Variants in GALNT11 observed in about 807,000 individuals in gnomAD.
The protein encoded by GALNT11 is polypeptide N-acetylgalactosaminyltransferase 11.
A neutral mutation model predicts 72.7 loss-of-function variants in GALNT11; 47 were observed. The ratio of observed to expected loss-of-function variants is 0.65; its 90% CI spans 0.51 to 0.82. The LOEUF (loss-of-function observed/expected upper bound fraction) is 0.82. Among genes scored for constraint, GALNT11 ranks in the 40% least tolerant of loss-of-function variants. The pLI, the probability that GALNT11 is intolerant of heterozygous loss-of-function variation, is 0.00. For synonymous variants in GALNT11, 270 were observed against 286.6 expected (o/e 0.94, Z 0.58); for missense variants, 677 against 778.4 (o/e 0.87, Z 1.55).
intron 1 of GALNT11, among the ~76,000 whole-genome samples, chr7:152,090,822 C>G (rs1352282706): frequency 1.3e-5 from 2 of 152,146 alleles, no homozygotes; most frequent in Non-Finnish European, 2.9e-5. Flanking sequence ...TTTCTTTCCT[C>G]AGCACTTATC....
intron 1 of GALNT11, among the ~76,000 whole-genome samples, chr7:152,080,670 A>AT (rs11442364): frequency 0.051 from 7,768 of 152,224 alleles, 343 homozygotes; most frequent in East Asian, 0.2. Flanking sequence ...CTATTAAAAC[A>AT]TTAATTGCGG....
At chr7:152,030,944 T>G (rs1463251516) in intron 1 of GALNT11, among the ~76,000 whole-genome samples, 1 of 152,248 alleles carries the variant, frequency 6.6e-6, no homozygotes, top group East Asian at 1.9e-4. Flanking sequence ...CCTCCTTGGG[T>G]TTTTGCACTG....
chr7:152,045,434 G>T (rs1586974169), intron 1 of GALNT11, among the ~76,000 whole-genome samples: 1 of 152,138 alleles, frequency 6.6e-6, no homozygotes, highest in Non-Finnish European at 1.5e-5. Context: ...CTTGCTGGGA[G>T]ACTTTTTATT....
chr7:152,070,540 T>G, intron 1 of GALNT11, among the ~76,000 whole-genome samples: 1 of 152,104 alleles, frequency 6.6e-6, no homozygotes, highest in East Asian at 1.9e-4. Context: ...TTGTGGCCCT[T>G]TTCTTCCATC....
chr7:152,050,598 G>A (rs1243911542), intron 1 of GALNT11, among the ~76,000 whole-genome samples: 1 of 152,194 alleles, frequency 6.6e-6, no homozygotes. Context: ...TGAGGGAGGG[G>A]TGGTGCAAGC....
At chr7:152,087,226 AC>A (rs2085705363) in intron 1 of GALNT11, among the ~76,000 whole-genome samples, 3 of 152,350 alleles carry the variant, frequency 2.0e-5, no homozygotes, top group African/African-American at 7.2e-5. Flanking sequence ...AATAAGGAAG[AC>A]CAGGTTTAAT....
At chr7:152,079,800 C>T (rs1274316964) in intron 1 of GALNT11, among the ~76,000 whole-genome samples, 1 of 152,110 alleles carries the variant, frequency 6.6e-6, no homozygotes, top group Admixed American at 6.5e-5. Flanking sequence ...GGGTACTGTA[C>T]TGTTGTAAAT....
chr7:152,026,454 T>G (rs1164680901), intron 1 of GALNT11, among the ~76,000 whole-genome samples: 1 of 152,164 alleles, frequency 6.6e-6, no homozygotes, highest in Non-Finnish European at 1.5e-5. Context: ...GCTGTGGACC[T>G]CCACATCTTT....
chr7:152,074,978 C>G (rs964899890), intron 1 of GALNT11: 3 of 152,164 alleles, frequency 2.0e-5, no homozygotes, highest in African/African-American at 7.2e-5. Context: ...AGAGAAAACT[C>G]TGGGCTTATT....
chr7:152,079,291 A>G (rs912636515), intron 1 of GALNT11: 1 of 152,192 alleles, frequency 6.6e-6, no homozygotes, highest in Non-Finnish European at 1.5e-5. Flanking sequence ...CCACAGGTCT[A>G]TAGTGAGCGA....
At chr7:152,046,875 C>G (rs761009806) in intron 1 of GALNT11, among the ~76,000 whole-genome samples, 3 of 151,980 alleles carry the variant, frequency 2.0e-5, no homozygotes, top group Non-Finnish European at 2.9e-5. Flanking sequence ...CCTTCTTAAC[C>G]TTCCTTCCTG....
intron 1 of GALNT11, among the ~76,000 whole-genome samples, chr7:152,057,096 G>C (rs2083726767): frequency 6.9e-6 from 1 of 145,616 alleles, no homozygotes; most frequent in Non-Finnish European, 1.5e-5. Context: ...GGCTCAAGCT[G>C]TGTGCCTGCT....
At chr7:152,078,390 A>G (rs1384492380) in intron 1 of GALNT11, among the ~76,000 whole-genome samples, 1 of 152,128 alleles carries the variant, frequency 6.6e-6, no homozygotes, top group Non-Finnish European at 1.5e-5. Flanking sequence ...TAATAGAGAC[A>G]GGGTTTCTCC....
Position 152,107,433 on chromosome 7 carries a change from T to G in GALNT11, c.713-605T>G, listed in dbSNP as rs1442579095. ...AGGTGGGAGATGGAAGAAACAGAAA[T>G]GAGCAAGAGGCGTCCCCGAGAGCGC... is the stretch of plus-strand genomic sequence containing the variant. On this transcript the variant is annotated intron_variant, in intron 5 of 11. Coordinates refer to ENST00000430044, the MANE Select transcript of GALNT11 (RefSeq NM_022087.4). 3 of 151,236 alleles carry G rather than the reference T, an allele frequency of 2.0e-5. No homozygotes were observed. The East Asian group carries it at 5.8e-4, about 29-fold the overall frequency. 9.4% of individuals were successfully genotyped at this position (151,236 alleles called of 1,614,324 possible). A position where few individuals can be genotyped will look rare whatever the true frequency, so the allele number is the denominator to read the frequency against.
intron 1 of GALNT11, among the ~76,000 whole-genome samples, chr7:152,070,019 C>CTCCCTCTGTTTTTT (rs1478833797): frequency 5.0e-5 from 7 of 139,554 alleles, no homozygotes; most frequent in African/African-American, 8.8e-5. Flanking sequence ...TTTTTTGAGA[C>CTCCCTCTGTTTTTT]AGAGTCTCCC....
intron 1 of GALNT11, among the ~76,000 whole-genome samples, chr7:152,084,405 CTT>C (rs1460740535): frequency 8.0e-6 from 1 of 125,524 alleles, no homozygotes; most frequent in Non-Finnish European, 1.6e-5. Context: ...AAAAAAAAAA[CTT>C]TTACATTTTC....
intron 1 of GALNT11, among the ~76,000 whole-genome samples, chr7:152,039,596 C>T (rs994734965): frequency 4.0e-5 from 6 of 150,802 alleles, no homozygotes; most frequent in South Asian, 2.1e-4. Context: ...TGGCTGTGTT[C>T]GATGGGTGTT....
rs948997289 is a variant in GALNT11, at chr7:152,093,388, G to T, written c.-38-802G>T. Among the ~76,000 whole-genome samples the T allele has an allele frequency of 2.0e-5, 3 of 151,824 alleles. No individual in the cohort carries two copies. The East Asian group carries it at 5.8e-4, about 29-fold the overall frequency. Reference sequence around the variant, plus strand: ...GCACACTAGGGCAGGCATAACCTTTGATTGGAAAGTAGAATTTTTTTTAAG... The same window carrying T: ...GCACACTAGGGCAGGCATAACCTTTTATTGGAAAGTAGAATTTTTTTTAAG... On this transcript the variant is annotated intron_variant, in intron 1 of 11. Coordinates refer to ENST00000430044, the MANE Select transcript of GALNT11 (RefSeq NM_022087.4).
At chr7:152,026,679 G>A (rs574639191) in intron 1 of GALNT11, among the ~76,000 whole-genome samples, 3 of 152,198 alleles carry the variant, frequency 2.0e-5, no homozygotes, top group Admixed American at 6.5e-5. Context: ...GCCCCATGGC[G>A]TAAATTGTGT....
Sources: gnomAD v4.1 joint callset for allele counts (sites outside exome capture counted in the v4.1 genomes callset) on GRCh38, gnomAD v4.1.1 for gene constraint, MANE v1.5 for transcripts, NCBI Gene and HGNC (gene_info 2026-07-23, HGNC 2026-07-21) for gene names.